SOCS5: variants seen among roughly 807,000 people sequenced by gnomAD.
SOCS5 encodes the protein suppressor of cytokine signaling 5.
SOCS5 carries 32 observed loss-of-function variants against 42.8 expected under a neutral mutation model. The ratio of observed to expected loss-of-function variants is 0.75; its 90% CI spans 0.56 to 1.01. SOCS5 has a LOEUF of 1.01. SOCS5 is among the 50% of genes least tolerant of loss of function. The probability of loss-of-function intolerance (pLI) is 0.00; values close to 1 mark genes in which losing one functional copy is unlikely to be tolerated. For missense variants in SOCS5, 627 were observed against 653.0 expected, an observed-to-expected ratio of 0.96 and a Z score of 0.43; for synonymous variants, 283 against 229.6, an observed-to-expected ratio of 1.23 and a Z score of -2.10.
At chr2:46,739,228 A>G (rs917749160) in intron 1 of SOCS5, among the ~76,000 whole-genome samples, 106 of 152,338 alleles carry the variant, frequency 7.0e-4, no homozygotes, top group African/African-American at 2.5e-3. Context: ...GCAGAAGACT[A>G]TATCCATTGT....
chr2:46,733,415 T>C (rs1453528885), intron 1 of SOCS5, among the ~76,000 whole-genome samples: 1 of 151,912 alleles, frequency 6.6e-6, no homozygotes, highest in African/African-American at 2.4e-5. Flanking sequence ...TATTTTATAA[T>C]AAAGAATAAC....
intron 1 of SOCS5, among the ~76,000 whole-genome samples, chr2:46,735,104 C>T (rs772211870): frequency 5.3e-5 from 8 of 152,232 alleles, no homozygotes; most frequent in Non-Finnish European, 7.4e-5. Context: ...TAGTTGGGTA[C>T]GGTAGCAAGT....
At chr2:46,713,281 G>C (rs1408512530) in intron 1 of SOCS5, among the ~76,000 whole-genome samples, 7 of 152,180 alleles carry the variant, frequency 4.6e-5, no homozygotes, top group African/African-American at 1.7e-4. Context: ...CTTTGAGCCT[G>C]GGAGGTTGAG....
intron 1 of SOCS5, among the ~76,000 whole-genome samples, chr2:46,755,771 T>C (rs888365322): frequency 2.0e-5 from 3 of 152,178 alleles, no homozygotes; most frequent in Admixed American, 6.5e-5. Flanking sequence ...TTAAAAACAT[T>C]TCTAAAAATT....
intron 1 of SOCS5, among the ~76,000 whole-genome samples, chr2:46,720,419 A>T (rs1337906057): frequency 2.0e-5 from 3 of 152,202 alleles, no homozygotes; most frequent in Non-Finnish European, 2.9e-5. Flanking sequence ...GAGTTTTTGC[A>T]TAGATTATGT....
intron 1 of SOCS5, among the ~76,000 whole-genome samples, chr2:46,732,479 T>G (rs568824656): frequency 6.6e-6 from 1 of 152,230 alleles, no homozygotes; most frequent in Non-Finnish European, 1.5e-5. Flanking sequence ...AACTCCTATG[T>G]AGTTTGAACT....
At chr2:46,739,482 T>C (rs138411438) in intron 1 of SOCS5, among the ~76,000 whole-genome samples, 3 of 152,292 alleles carry the variant, frequency 2.0e-5, no homozygotes, top group Non-Finnish European at 4.4e-5. Flanking sequence ...TCCTTTTCTG[T>C]AGTAAAATGT....
At chr2:46,728,496 G>C (rs1349804998) in intron 1 of SOCS5, among the ~76,000 whole-genome samples, 1 of 152,172 alleles carries the variant, frequency 6.6e-6, no homozygotes, top group African/African-American at 2.4e-5. Context: ...TTTTAGGCAT[G>C]AGGAAATTTA....
chr2:46,712,166 C>T (rs746310333), intron 1 of SOCS5, among the ~76,000 whole-genome samples: 25 of 152,092 alleles, frequency 1.6e-4, no homozygotes, highest in Non-Finnish European at 3.4e-4. Flanking sequence ...AGAAAATTAA[C>T]ATCTTAACAT....
intron 1 of SOCS5, among the ~76,000 whole-genome samples, chr2:46,739,156 G>A (rs1014301004): frequency 2.6e-5 from 4 of 152,100 alleles, no homozygotes; most frequent in African/African-American, 9.7e-5. Context: ...CTCTCAGAAT[G>A]GCTCTTTTTG....
At chr2:46,714,693 A>G (rs77369921) in intron 1 of SOCS5, among the ~76,000 whole-genome samples, 10,189 of 152,248 alleles carry the variant, frequency 0.067, 363 homozygotes, top group Middle Eastern at 0.14. Context: ...GAACACAGCC[A>G]TGCCCCCATG....
chr2:46,724,398 A>C lies in SOCS5; in HGVS notation c.-13+24949A>C, dbSNP rs1391857093. On this transcript the variant is annotated intron_variant, in intron 1 of 1. Transcript: ENST00000394861. ...CACCATTAAGCATGACGTTAGCTGT[A>C]GGCATGTCCTTTTATGTGATTTGGG... 2.6e-5 allele frequency among the ~76,000 whole-genome samples: 4 copies of C among 152,104 alleles called. No homozygotes were observed. In the East Asian group the frequency reaches 5.8e-4, roughly 22 times the overall value.
intron 1 of SOCS5, among the ~76,000 whole-genome samples, chr2:46,705,952 A>G (rs1672454559): frequency 1.3e-5 from 2 of 152,142 alleles, no homozygotes; most frequent in Admixed American, 6.5e-5. Flanking sequence ...TCCAAATTAT[A>G]TTTATAGGAC....
chr2:46,742,555 AT>A (rs1220652509), intron 1 of SOCS5, among the ~76,000 whole-genome samples: 4 of 152,074 alleles, frequency 2.6e-5, no homozygotes, highest in African/African-American at 9.7e-5. Context: ...GAAATCTTAA[AT>A]TTTATGTCAT....
intron 1 of SOCS5, among the ~76,000 whole-genome samples, chr2:46,705,216 T>G (rs1672435699): frequency 6.6e-6 from 1 of 152,252 alleles, no homozygotes; most frequent in African/African-American, 2.4e-5. Context: ...AGGAGAGGGC[T>G]GTAGGAGCCC....
At chr2:46,717,659 C>T (rs1672779733) in intron 1 of SOCS5, among the ~76,000 whole-genome samples, 1 of 152,074 alleles carries the variant, frequency 6.6e-6, no homozygotes, top group African/African-American at 2.4e-5. Flanking sequence ...CATCCCACTG[C>T]TCTAAAGATT....
chr2:46,739,109 T>C (rs1002491183), intron 1 of SOCS5, among the ~76,000 whole-genome samples: 2 of 152,174 alleles, frequency 1.3e-5, no homozygotes, highest in African/African-American at 4.8e-5. Flanking sequence ...GAATATTTAA[T>C]TGGGTCGACT....
At chr2:46,714,665 G>A (rs1672700138) in intron 1 of SOCS5, among the ~76,000 whole-genome samples, 1 of 152,122 alleles carries the variant, frequency 6.6e-6, no homozygotes, top group Admixed American at 6.5e-5. Flanking sequence ...ACCTGTTTAT[G>A]TAAATAAAAT....
intron 1 of SOCS5, among the ~76,000 whole-genome samples, chr2:46,707,548 A>G (rs1672524264): frequency 6.6e-6 from 1 of 152,248 alleles, no homozygotes. Flanking sequence ...GCAAAAGAAA[A>G]TTAGGAAATC....
Sources: gnomAD v4.1 joint callset for allele counts (sites outside exome capture counted in the v4.1 genomes callset) on GRCh38, gnomAD v4.1.1 for gene constraint, MANE v1.5 for transcripts, NCBI Gene and HGNC (gene_info 2026-07-23, HGNC 2026-07-21) for gene names.